Variants in SGCZ observed in about 807,000 individuals in gnomAD.
SGCZ encodes zeta-sarcoglycan.
SGCZ carries 40 observed loss-of-function variants against 41.3 expected under a neutral mutation model. The observed-to-expected ratio is 0.97, with a 90% CI of 0.75 to 1.26. The LOEUF is 1.26. Ranked by LOEUF, SGCZ falls within the 50% of genes most tolerant of loss-of-function variation. The pLI is 0.00. For missense variants in SGCZ, 552 were observed against 369.8 expected, an observed-to-expected ratio of 1.49 and a Z score of -4.04; for synonymous variants, 206 against 137.5, an observed-to-expected ratio of 1.50 and a Z score of -3.49.
At chr8:14,595,098 C>G (rs759355017) in intron 1 of SGCZ, among the ~76,000 whole-genome samples, 14 of 151,974 alleles carry the variant, frequency 9.2e-5, no homozygotes, top group Non-Finnish European at 1.8e-4. Context: ...GTTATCACCT[C>G]AAAATTGTAT....
At chr8:14,334,458 C>T (rs7003304) in intron 2 of SGCZ, among the ~76,000 whole-genome samples, 26,210 of 151,976 alleles carry the variant, frequency 0.17, 2,475 homozygotes, top group African/African-American at 0.25. Flanking sequence ...AGTCCTCTCA[C>T]TCTTAGTCGG....
intron 1 of SGCZ, among the ~76,000 whole-genome samples, chr8:14,642,567 T>C (rs1472675161): frequency 6.6e-6 from 1 of 151,428 alleles, no homozygotes; most frequent in Non-Finnish European, 1.5e-5. Context: ...GAGATGAAAA[T>C]ATTTTATGTA....
intron 1 of SGCZ, among the ~76,000 whole-genome samples, chr8:14,859,920 T>C (rs1803662336): frequency 1.3e-5 from 2 of 152,220 alleles, no homozygotes; most frequent in East Asian, 1.9e-4. Flanking sequence ...ATTGATTTTG[T>C]GGTTTCTATG....
intron 1 of SGCZ, among the ~76,000 whole-genome samples, chr8:14,773,066 T>A (rs1463078874): frequency 6.6e-6 from 1 of 152,112 alleles, no homozygotes; most frequent in Admixed American, 6.6e-5. Context: ...TGTTCCTATT[T>A]CTCCACATCC....
chr8:15,204,646 G>A (rs115217550), intron 1 of SGCZ, among the ~76,000 whole-genome samples: 8,292 of 152,116 alleles, frequency 0.055, 256 homozygotes, highest in South Asian at 0.074. Context: ...AACACCATAC[G>A]ATAGAAAGAC....
intron 1 of SGCZ, among the ~76,000 whole-genome samples, chr8:14,871,693 A>T (rs762672271): frequency 6.6e-6 from 1 of 151,948 alleles, no homozygotes; most frequent in Non-Finnish European, 1.5e-5. Flanking sequence ...AGTCCCAGCT[A>T]CTTGGGAGGC....
At chr8:15,173,798 G>A (rs190696095) in intron 1 of SGCZ, among the ~76,000 whole-genome samples, 46 of 152,198 alleles carry the variant, frequency 3.0e-4, no homozygotes, top group Admixed American at 5.9e-4. Flanking sequence ...GAAATGCAGT[G>A]GTGTGATCAT....
chr8:15,025,244 A>G (rs1803412411), intron 1 of SGCZ, among the ~76,000 whole-genome samples: 1 of 152,210 alleles, frequency 6.6e-6, no homozygotes, highest in South Asian at 2.1e-4. Context: ...TGCAAGGTTC[A>G]ATCATTCCTG....
At chr8:14,414,963 T>C (rs957443928) in intron 2 of SGCZ, among the ~76,000 whole-genome samples, 6 of 151,892 alleles carry the variant, frequency 4.0e-5, no homozygotes, top group Admixed American at 3.9e-4. Context: ...AAAATCACTT[T>C]TATTCATTTC....
At chr8:15,229,586 TGTTGGGGGAGA>T (rs1801882677) in intron 1 of SGCZ, among the ~76,000 whole-genome samples, 1 of 152,186 alleles carries the variant, frequency 6.6e-6, no homozygotes, top group Admixed American at 6.5e-5. Flanking sequence ...ATGCATCCCA[TGTTGGGGGAGA>T]GTTTGAAGGC....
At chr8:14,242,168 A>G (rs1277250065) in intron 3 of SGCZ, among the ~76,000 whole-genome samples, 2 of 152,200 alleles carry the variant, frequency 1.3e-5, no homozygotes, top group Non-Finnish European at 2.9e-5. Context: ...AGCATTAGTA[A>G]TATTGTTGAG....
intron 3 of SGCZ, among the ~76,000 whole-genome samples, chr8:14,253,704 T>C (rs1799365899): frequency 1.3e-5 from 2 of 152,130 alleles, no homozygotes; most frequent in Non-Finnish European, 2.9e-5. Flanking sequence ...CTATGTCTTA[T>C]TTATATATGT....
At chr8:14,286,477 C>T (rs755461007) in intron 3 of SGCZ, among the ~76,000 whole-genome samples, 1 of 152,094 alleles carries the variant, frequency 6.6e-6, no homozygotes, top group South Asian at 2.1e-4. Flanking sequence ...AGCTGTTTGA[C>T]AGCTCTTTTC....
intron 1 of SGCZ, among the ~76,000 whole-genome samples, chr8:14,872,456 C>T (rs1469666475): frequency 1.3e-5 from 2 of 151,978 alleles, no homozygotes; most frequent in African/African-American, 4.8e-5. Context: ...TGTTTAGACT[C>T]TTCTGAGAAA....
chr8:14,474,370 T>TA (rs1356465840), intron 2 of SGCZ, among the ~76,000 whole-genome samples: 3 of 152,348 alleles, frequency 2.0e-5, no homozygotes, highest in Middle Eastern at 3.4e-3. Context: ...TATAGACTTC[T>TA]AAATCTACAG....
intron 2 of SGCZ, among the ~76,000 whole-genome samples, chr8:14,362,134 C>A (rs766142325): frequency 6.6e-6 from 1 of 152,174 alleles, no homozygotes; most frequent in East Asian, 1.9e-4. Flanking sequence ...TCAGGCTACA[C>A]GTGGGTCTGG....
intron 2 of SGCZ, among the ~76,000 whole-genome samples, chr8:14,419,999 T>G (rs1235287089): frequency 6.6e-6 from 1 of 152,104 alleles, no homozygotes; most frequent in Non-Finnish European, 1.5e-5. Flanking sequence ...TGTGATTTGT[T>G]GAAAGTATAT....
intron 2 of SGCZ, among the ~76,000 whole-genome samples, chr8:14,401,814 G>A (rs1351463264): frequency 1.3e-5 from 2 of 150,756 alleles, no homozygotes; most frequent in Non-Finnish European, 2.9e-5. Context: ...GTAATGGGAT[G>A]GCTGGGTCAA....
intron 3 of SGCZ, among the ~76,000 whole-genome samples, chr8:14,274,142 G>C (rs1228680189): frequency 1.3e-5 from 2 of 151,926 alleles, no homozygotes. Flanking sequence ...CTAGAGTTTT[G>C]AGTACACTAT....
Sources: allele counts gnomAD v4.1 joint callset (sites outside exome capture counted in the v4.1 genomes callset), GRCh38; gene constraint gnomAD v4.1.1; transcripts MANE v1.5; gene names NCBI Gene and HGNC (gene_info 2026-07-23, HGNC 2026-07-21).